Variants in CYFIP1 observed in about 807,000 individuals in gnomAD.
The protein encoded by CYFIP1 is cytoplasmic FMR1 interacting protein 1.
In CYFIP1, 58 loss-of-function variants were observed where a neutral mutation model predicts 163.5. That is an observed-to-expected ratio of 0.35 (90% CI 0.29 to 0.44). The LOEUF (loss-of-function observed/expected upper bound fraction) is 0.44, where lower values mean the gene tolerates loss of function less well. CYFIP1 is among the 20% of genes least tolerant of loss of function. The probability of loss-of-function intolerance (pLI) is 1.00; values close to 1 mark genes in which losing one functional copy is unlikely to be tolerated. For missense variants in CYFIP1, 1,338 were observed against 1,653.8 expected, an observed-to-expected ratio of 0.81 and a Z score of 3.31; for synonymous variants, 663 against 660.7, an observed-to-expected ratio of 1.00 and a Z score of -0.05.
chr15:22,882,927 G>C lies in CYFIP1; in HGVS notation c.2761C>G (p.Leu921Val). 4 of 1,614,100 alleles carry C rather than the reference G, an allele frequency of 2.5e-6. No homozygotes were observed. The highest frequency in any genetic ancestry group is 3.4e-6 in the Non-Finnish European group (4 of 1,179,984). ...PPHFQVICRL[L>V]GYQGIAVVME... is the part of the protein sequence containing the mutation. ...ACCACGGCGATACCCTGGTAGCCGA[G>C]AAGCCGGCAGATGACTTGAAAGTGT... is the stretch of plus-strand genomic sequence containing the variant. The change falls in exon 24 of 31, where the codon CTC becomes GTC. Residue 921 changes from leucine (L) to valine (V), a missense_variant. Physicochemically the swap from Leu to Val is conservative, Grantham distance 32. Around this residue, in one of 4 missense-constraint regions of CYFIP1, gnomAD observed 824 missense variants for 995.7 expected, o/e 0.83. Transcript: ENST00000617928.
chr15:22,894,140 C>CA (rs1485593017), intron 22 of CYFIP1, among the ~76,000 whole-genome samples: 3 of 152,118 alleles, frequency 2.0e-5, no homozygotes, highest in African/African-American at 7.2e-5. Flanking sequence ...AAAGCTACGG[C>CA]ACACACGTCA....
intron 13 of CYFIP1, among the ~76,000 whole-genome samples, chr15:22,922,495 G>T (rs995478603): frequency 2.6e-5 from 4 of 152,142 alleles, no homozygotes; most frequent in African/African-American, 9.7e-5. Flanking sequence ...TCCCTTTGCT[G>T]ATCTGACTCT....
At chr15:22,913,106 G>C (rs994842484) in intron 17 of CYFIP1, among the ~76,000 whole-genome samples, 3 of 152,042 alleles carry the variant, frequency 2.0e-5, no homozygotes, top group Non-Finnish European at 4.4e-5. Flanking sequence ...TGAGGCAGGA[G>C]GATCACCTGA....
intron 11 of CYFIP1, among the ~76,000 whole-genome samples, chr15:22,930,152 A>AT (rs1566988075): frequency 6.6e-6 from 1 of 151,776 alleles, no homozygotes; most frequent in African/African-American, 2.4e-5. Flanking sequence ...AGGTCAGGAG[A>AT]TTGAGACCAT....
At chr15:22,959,739 G>A (rs965520740) in intron 1 of CYFIP1, among the ~76,000 whole-genome samples, 12 of 152,128 alleles carry the variant, frequency 7.9e-5, no homozygotes, top group Admixed American at 2.6e-4. Context: ...TGGGTCCTGC[G>A]GCGCCCGGCT....
At chr15:22,955,458 G>C (rs2062413309) in intron 1 of CYFIP1, among the ~76,000 whole-genome samples, 1 of 152,238 alleles carries the variant, frequency 6.6e-6, no homozygotes, top group Non-Finnish European at 1.5e-5. Flanking sequence ...CTGAGGGGCA[G>C]GACAGAGGCA....
intron 21 of CYFIP1, among the ~76,000 whole-genome samples, chr15:22,907,360 C>A (rs1218086065): frequency 6.6e-6 from 1 of 152,138 alleles, no homozygotes; most frequent in African/African-American, 2.4e-5. Context: ...CACAGGGGTG[C>A]CAGTGTTGAC....
At chr15:22,936,287 AG>A in intron 9 of CYFIP1, among the ~76,000 whole-genome samples, 1 of 152,338 alleles carries the variant, frequency 6.6e-6, no homozygotes, top group Middle Eastern at 3.4e-3. Context: ...TGTCCAACAA[AG>A]GACATGTATC....
intron 1 of CYFIP1, among the ~76,000 whole-genome samples, chr15:22,978,609 T>C (rs1011881131): frequency 6.6e-6 from 1 of 152,290 alleles, no homozygotes; most frequent in East Asian, 1.9e-4. Context: ...TCACTTTTAG[T>C]ATACACGGTT....
In CYFIP1 at chr15:22,867,898, T is replaced by TAGAA. The variant is rs1257526947; in HGVS notation, c.*2126_*2129dup. 1 of 152,156 alleles carries TAGAA rather than the reference T, an allele frequency of 6.6e-6. No homozygotes were observed. Among genetic ancestry groups the TAGAA allele is most frequent in the Non-Finnish European group, 1.5e-5 (1 of 68,024 alleles). 9.4% of individuals were successfully genotyped at this position (152,156 alleles called of 1,614,324 possible). The stretch of plus-strand genomic sequence containing the variant: ...AAACTGCAAACATATGCAGAAAAGG[T>TAGAA]AGAATAATAAAAAAGGTCTAATGAA... On this transcript the variant is annotated 3_prime_UTR_variant, in exon 31 of 31. Transcript: ENST00000617928.
chr15:22,939,360 C>T (rs1430144361), intron 7 of CYFIP1, 40 bp from the exon 8 acceptor site: 1 of 1,614,070 alleles, frequency 6.2e-7, no homozygotes, highest in Admixed American at 1.7e-5. Flanking sequence ...GGGCCCGGCG[C>T]CCGGCCGGCT....
chr15:22,872,977 G>T lies in CYFIP1; in HGVS notation c.3450-5C>A. 6.2e-7 allele frequency: 1 copy of T among 1,613,086 alleles called. No individual in the cohort carries two copies. The highest frequency in any genetic ancestry group is 8.5e-7 in the Non-Finnish European group (1 of 1,179,600). ...AGCCCATCACCAAAGCACTGCCTAG[G>T]AACAAGAAGCAGAAACAGAATGGGA... is the stretch of plus-strand genomic sequence containing the variant. On this transcript the variant is annotated splice_polypyrimidine_tract_variant and splice_region_variant and intron_variant, in intron 29 of 30. Transcript: ENST00000617928.
At position 22,872,840 on chromosome 15, in the gene CYFIP1, C is replaced by T. The variant is rs368490890; in HGVS notation, c.3582G>A (p.Glu1194=). ...ATCCACATACCACATTTTTAATAAT[C>T]TCATCTTTGCCATCATGTTTCTGGA... ...LKVQKHDGKD[E]IIKNVPLKKM... Residue 1194 remains glutamate (E), a synonymous_variant, in exon 30 of 31, where the codon GAG becomes GAA. Coordinates refer to ENST00000617928, the MANE Select transcript of CYFIP1 (RefSeq NM_014608.6). The T allele has an allele frequency of 6.2e-7, 1 of 1,614,092 alleles. No individual in the cohort carries two copies. Among genetic ancestry groups the T allele is most frequent in the East Asian group, 2.2e-5 (1 of 44,870 alleles).
rs780708620 is a variant in CYFIP1, at chr15:22,951,336, T to C, written c.-6-4045A>G. On this transcript the variant is annotated intron_variant, in intron 1 of 30. Transcript: ENST00000617928. ...CGTCCACTTCCCTCCACATCACAGC[T>C]TCCTGTTCCACACACCTCAGAAAGG... The C allele has an allele frequency of 3.2e-4, 377 of 1,173,398 alleles. 1 individual carries two copies. Among genetic ancestry groups the C allele is most frequent in the Non-Finnish European group, 3.8e-4 (351 of 926,856 alleles). 72.7% of individuals were successfully genotyped at this position (1,173,398 alleles called of 1,614,324 possible).
Position 22,912,163 on chromosome 15 carries a change from G to A in CYFIP1, c.2082+16C>T. ...ATTGAAGGAAATGAACAGAAATGGA[G>A]CTGCAGGGGCCTCACCTCGGCCTCA... is the stretch of plus-strand genomic sequence containing the variant. On this transcript the variant is annotated intron_variant, in intron 18 of 30. Coordinates refer to ENST00000617928, the MANE Select transcript of CYFIP1 (RefSeq NM_014608.6). 1.3e-6 allele frequency: 2 copies of A among 1,598,200 alleles called. No individual in the cohort carries two copies. The highest frequency in any genetic ancestry group is 1.3e-5 in the African/African-American group (1 of 74,442).
In CYFIP1 at chr15:22,869,964, CTCACTAAAT is replaced by C; in HGVS notation, c.*55_*63del. On this transcript the variant is annotated 3_prime_UTR_variant, in exon 31 of 31. Coordinates refer to ENST00000617928, the MANE Select transcript of CYFIP1 (RefSeq NM_014608.6). ...ATACTGAAAAATAGTCCCTAAAAAT[CTCACTAAAT>C]AGTTTACGGAGAGAAAGGCATGCCA... is the stretch of plus-strand genomic sequence containing the variant. 1 of 1,441,178 alleles carries C rather than the reference CTCACTAAAT, an allele frequency of 6.9e-7. No individual in the cohort carries two copies. The highest frequency in any genetic ancestry group is 1.5e-5 in the African/African-American group (1 of 68,144). 89.3% of individuals were successfully genotyped at this position (1,441,178 alleles called of 1,614,324 possible).
intron 14 of CYFIP1, among the ~76,000 whole-genome samples, chr15:22,918,384 C>T (rs977201077): frequency 1.3e-5 from 2 of 152,122 alleles, no homozygotes; most frequent in Non-Finnish European, 2.9e-5. Context: ...ACCAACAGGG[C>T]TCCACCGTGC....
At chr15:22,938,762 G>A (rs772655326) in intron 8 of CYFIP1, among the ~76,000 whole-genome samples, 1 of 151,830 alleles carries the variant, frequency 6.6e-6, no homozygotes, top group African/African-American at 2.4e-5. Flanking sequence ...AATTAGCGAG[G>A]CATGGTGGCG....
rs1037962023 is a variant in CYFIP1, at chr15:22,868,725, C to T, written c.*1303G>A. 1 of 152,154 alleles carries T rather than the reference C, an allele frequency of 6.6e-6. No homozygotes were observed. Among genetic ancestry groups the T allele is most frequent in the Non-Finnish European group, 1.5e-5 (1 of 68,036 alleles). The allele number at this position is 152,154 out of a possible 1,614,324, so 9.4% of individuals were successfully genotyped here. ...GCATCATATGCTTCTGGACAGTTTC[C>T]AAAGGCCTCCGGAAAAGTAGGCGAG... On this transcript the variant is annotated 3_prime_UTR_variant, in exon 31 of 31. Coordinates refer to ENST00000617928, the MANE Select transcript of CYFIP1 (RefSeq NM_014608.6).
Sources: gnomAD v4.1 joint callset for allele counts (sites outside exome capture counted in the v4.1 genomes callset) on GRCh38, gnomAD v4.1.1 for gene constraint, gnomAD v4.1.1 regional missense constraint, MANE v1.5 for transcripts, NCBI Gene and HGNC (gene_info 2026-07-23, HGNC 2026-07-21) for gene names.